Variants in GALNT16 observed in about 807,000 individuals in gnomAD.
GALNT16 encodes UDP-GalNAc:polypeptide N-acetylgalactosaminyltransferase-like protein 1.
In GALNT16, 40 loss-of-function variants were observed where a neutral mutation model predicts 76.1. That is an observed-to-expected ratio of 0.53 (90% CI 0.41 to 0.68). The LOEUF (loss-of-function observed/expected upper bound fraction) is 0.68. GALNT16 is among the 30% of genes least tolerant of loss of function. GALNT16 has a pLI of 0.00. For missense variants in GALNT16, 621 were observed against 731.9 expected (o/e 0.85, Z 1.75); for synonymous variants, 276 against 285.2 (o/e 0.97, Z 0.32).
At chr14:69,349,310 C>G (rs2045603954) in intron 14 of GALNT16, 1 of 152,160 alleles carries the variant, frequency 6.6e-6, no homozygotes, top group Admixed American at 6.5e-5. Flanking sequence ...GGAATTATCT[C>G]CGAGCAAAGC....
Position 69,353,018 on chromosome 14 carries a change from A to C in GALNT16, c.*850A>C, listed in dbSNP as rs778433467. 1.2e-4 allele frequency among the ~76,000 whole-genome samples: 18 copies of C among 152,162 alleles called. No homozygotes were observed. Among genetic ancestry groups the C allele is most frequent in the Non-Finnish European group, 1.6e-4 (11 of 68,020 alleles). On this transcript the variant is annotated 3_prime_UTR_variant, in exon 15 of 15. Coordinates refer to ENST00000448469, the MANE Select transcript of GALNT16 (RefSeq NM_001168368.2). ...TTCTATTTGGCCATGTGTCAGGCTG[A>C]GACCTCTCTCTCGGGCATTAATGAA...
chr14:69,349,375 C>A (rs1257719275), intron 14 of GALNT16: 1 of 152,182 alleles, frequency 6.6e-6, no homozygotes, highest in Non-Finnish European at 1.5e-5. Context: ...TTTGTGCTGA[C>A]CCAGCCTACG....
intron 1 of GALNT16, among the ~76,000 whole-genome samples, chr14:69,264,797 A>C (rs1212474560): frequency 4.6e-5 from 4 of 87,736 alleles, no homozygotes; most frequent in East Asian, 8.1e-4. Context: ...TTCTTTTTTT[A>C]TTTTCTCTTT....
chr14:69,342,865 T>C (rs1339366477), intron 12 of GALNT16, among the ~76,000 whole-genome samples: 3 of 152,218 alleles, frequency 2.0e-5, no homozygotes, highest in Non-Finnish European at 2.9e-5. Context: ...AGACTTTCCC[T>C]GAACACTCTG....
rs141774835 is a variant in GALNT16 at position 69,329,553 on chromosome 14, G to C, written c.690+982G>C. On this transcript the variant is annotated intron_variant, in intron 6 of 14. Transcript: ENST00000448469. ...ATGGACAATAACAAGTGCTGGCAAG[G>C]ACATGGAGAAATAGGAGCTGTATCA... Among the ~76,000 whole-genome samples the C allele has an allele frequency of 8.5e-5, 13 of 152,284 alleles. No individual in the cohort carries two copies. In the East Asian group the frequency reaches 2.5e-3, roughly 29 times the overall value.
At chr14:69,338,311 C>T (rs2045439322) in intron 9 of GALNT16, among the ~76,000 whole-genome samples, 1 of 152,192 alleles carries the variant, frequency 6.6e-6, no homozygotes, top group Non-Finnish European at 1.5e-5. Flanking sequence ...TCATGTCTGT[C>T]TGGGGCTTTC....
the GALNT16 span, among the ~76,000 whole-genome samples, chr14:69,386,097 G>C: frequency 6.6e-6 from 1 of 152,194 alleles, no homozygotes; most frequent in African/African-American, 2.4e-5. Flanking sequence ...TGTTCTGAGT[G>C]ATCAAAGTGA....
chr14:69,295,653 G>T (rs8016064), intron 1 of GALNT16, among the ~76,000 whole-genome samples: 55,349 of 151,954 alleles, frequency 0.36, 10,236 homozygotes, highest in Middle Eastern at 0.47. Flanking sequence ...CCAGGGGGCA[G>T]AGGTTACAGT....
chr14:69,386,078 T>TCA, the GALNT16 span, among the ~76,000 whole-genome samples: 1 of 152,220 alleles, frequency 6.6e-6, no homozygotes, highest in African/African-American at 2.4e-5. Context: ...CATGCAACAT[T>TCA]CATTTGAATG....
At chr14:69,338,288 GT>G (rs1241217380) in intron 9 of GALNT16, among the ~76,000 whole-genome samples, 2 of 152,326 alleles carry the variant, frequency 1.3e-5, no homozygotes, top group East Asian at 1.9e-4. Flanking sequence ...GAGCAGATGT[GT>G]TTTTCCTTAG....
chr14:69,378,118 G>A, the GALNT16 span, among the ~76,000 whole-genome samples: 3 of 152,218 alleles, frequency 2.0e-5, no homozygotes, highest in East Asian at 5.8e-4. Context: ...CCCAACAATG[G>A]GAGTTAAGAC....
rs182798079 is a variant in GALNT16, at chr14:69,350,798, G to C, written c.1540-1233G>C. ...CTCTAATCGAAGACACGGTGAATGA[G>C]AGAAGATGGAAGAGGGGAGGTGGTT... On this transcript the variant is annotated intron_variant, in intron 14 of 14. Coordinates refer to ENST00000448469, the MANE Select transcript of GALNT16 (RefSeq NM_001168368.2). The C allele has an allele frequency of 2.2e-4, 33 of 152,506 alleles. 2 individuals carry two copies. Among genetic ancestry groups the C allele is most frequent in the Admixed American group, 8.5e-4 (13 of 15,304 alleles). 9.4% of individuals were successfully genotyped at this position (152,506 alleles called of 1,614,324 possible).
chr14:69,285,038 C>CTTTTTTTTTTTTTTTT (rs1239622713), intron 1 of GALNT16, among the ~76,000 whole-genome samples: 2 of 130,460 alleles, frequency 1.5e-5, no homozygotes, highest in African/African-American at 2.8e-5. Context: ...GTCTCGGGCA[C>CTTTTTTTTTTTTTTTT]TCTTTTTTTT....
intron 1 of GALNT16, among the ~76,000 whole-genome samples, chr14:69,262,715 C>G (rs72625666): frequency 2.0e-5 from 3 of 152,114 alleles, no homozygotes; most frequent in African/African-American, 7.2e-5. Flanking sequence ...ACTGACCCCC[C>G]CGTCAGGCAC....
the GALNT16 span, among the ~76,000 whole-genome samples, chr14:69,372,491 C>CTTTTTT: frequency 2.9e-4 from 30 of 103,766 alleles, no homozygotes; most frequent in Non-Finnish European, 4.0e-4. Flanking sequence ...GATCATTAGC[C>CTTTTTT]TTTTTTTTTT....
intron 1 of GALNT16, among the ~76,000 whole-genome samples, chr14:69,306,713 G>C (rs756593413): frequency 6.6e-6 from 1 of 152,136 alleles, no homozygotes; most frequent in Non-Finnish European, 1.5e-5. Context: ...CTTTCCAAAG[G>C]TTAAACTGAA....
the GALNT16 span, among the ~76,000 whole-genome samples, chr14:69,364,666 T>C: frequency 6.6e-5 from 10 of 152,204 alleles, no homozygotes; most frequent in Non-Finnish European, 1.3e-4. This position sits in a 1 kb window ranked among gnomAD's most constrained non-coding sequence, Gnocchi z 4.2. Flanking sequence ...TACAAATTCT[T>C]TGCTCAAGCA....
chr14:69,320,835 C>A lies in GALNT16; in HGVS notation c.302C>A (p.Pro101Gln). The A allele has an allele frequency of 6.2e-7, 1 of 1,614,058 alleles. No individual in the cohort carries two copies. Among genetic ancestry groups the A allele is most frequent in the Non-Finnish European group, 8.5e-7 (1 of 1,179,940 alleles). The stretch of plus-strand genomic sequence containing the variant: ...CAGCTGGAGAGTGACAAGCTGAGCC[C>A]AGACCGGCCCATCCGGGACACCCGC... ...FNQLESDKLS[P>Q]DRPIRDTRHY... The change falls in exon 2 of 15, where the codon CCA becomes CAA. Residue 101 changes from proline (P) to glutamine (Q), a missense_variant. Pro to Gln is a moderately conservative substitution (Grantham distance 76). Transcript: ENST00000448469.
intron 1 of GALNT16, among the ~76,000 whole-genome samples, chr14:69,301,711 G>A (rs1363517007): frequency 1.3e-5 from 2 of 152,080 alleles, no homozygotes; most frequent in East Asian, 1.9e-4. Flanking sequence ...GGGAAGGGCC[G>A]GGCGTGGTGG....
Sources: allele counts gnomAD v4.1 joint callset (sites outside exome capture counted in the v4.1 genomes callset), GRCh38; gene constraint gnomAD v4.1.1; non-coding constraint Gnocchi (gnomAD v3.1); transcripts MANE v1.5; gene names NCBI Gene and HGNC (gene_info 2026-07-23, HGNC 2026-07-21).